The following IGF2BP3 variants were observed in gnomAD, a reference collection of about 807,000 sequenced individuals.
IGF2BP3 encodes the protein insulin like growth factor 2 mRNA binding protein 3, also known as insulin-like growth factor 2 mRNA-binding protein 3.
IGF2BP3 carries 9 observed loss-of-function variants against 73.8 expected under a neutral mutation model. That is an observed-to-expected ratio of 0.12 (90% CI 0.07 to 0.21). The LOEUF (loss-of-function observed/expected upper bound fraction) is 0.21. IGF2BP3 is among the 10% of genes least tolerant of loss of function. IGF2BP3 has a pLI of 1.00. For missense variants in IGF2BP3, 542 were observed against 714.0 expected (o/e 0.76, Z 2.75); for synonymous variants, 258 against 256.7 (o/e 1.01, Z -0.05).
At chr7:23,406,971 A>C (rs1425148618) in intron 3 of IGF2BP3, among the ~76,000 whole-genome samples, 1 of 152,174 alleles carries the variant, frequency 6.6e-6, no homozygotes, top group Admixed American at 6.5e-5. Flanking sequence ...GGAGACAGAG[A>C]AGCTCATTCA....
chr7:23,351,278 C>T, intron 6 of IGF2BP3, 27 bp downstream of exon 6: 1 of 1,609,416 alleles, frequency 6.2e-7, no homozygotes, highest in South Asian at 1.1e-5. Context: ...TTCTCATGAA[C>T]ACCCACCACA....
chr7:23,425,161 G>A (rs546545099), intron 2 of IGF2BP3, among the ~76,000 whole-genome samples: 4 of 152,166 alleles, frequency 2.6e-5, no homozygotes, highest in Admixed American at 6.5e-5. Flanking sequence ...AGGTTTGTTC[G>A]TATCAAGATG....
chr7:23,328,876 C>T (rs1342741157), intron 10 of IGF2BP3, among the ~76,000 whole-genome samples: 1 of 152,108 alleles, frequency 6.6e-6, no homozygotes, highest in Admixed American at 6.6e-5. Flanking sequence ...CCAGAAAGGT[C>T]AGGCAGACAT....
Position 23,423,728 on chromosome 7 carries a change from A to G in IGF2BP3, c.237-4904T>C, listed in dbSNP as rs541950734. ...ATTTCAAATGATTTCCTTATAGCTT[A>G]TAAAGGGACCGAGAAAAACAACTGC... is the stretch of plus-strand genomic sequence containing the variant. On this transcript the variant is annotated intron_variant, in intron 2 of 14. Coordinates refer to ENST00000258729, the MANE Select transcript of IGF2BP3 (RefSeq NM_006547.3). 7.9e-5 allele frequency among the ~76,000 whole-genome samples: 12 copies of G among 152,290 alleles called. No individual in the cohort carries two copies. In the South Asian group the frequency reaches 2.5e-3, roughly 32 times the overall value.
chr7:23,398,875 T>C (rs1362513661), intron 3 of IGF2BP3, among the ~76,000 whole-genome samples: 3 of 152,210 alleles, frequency 2.0e-5, no homozygotes, highest in Non-Finnish European at 4.4e-5. Flanking sequence ...TTCACTCTGA[T>C]GGTAGTTTCT....
chr7:23,408,141 T>C lies in IGF2BP3; in HGVS notation c.285+10635A>G, dbSNP rs373864108. Among the ~76,000 whole-genome samples the C allele has an allele frequency of 1.6e-4, 24 of 152,226 alleles. 1 individual carries two copies. Among genetic ancestry groups the C allele is most frequent in the Admixed American group, 9.8e-4 (15 of 15,290 alleles). On this transcript the variant is annotated intron_variant, in intron 3 of 14. Transcript: ENST00000258729. ...AGAGTATCTACAAAAAACCCACAGC[T>C]AACATTTTATGTGATGATGAAAGAC...
intron 3 of IGF2BP3, among the ~76,000 whole-genome samples, chr7:23,365,325 C>A (rs541184659): frequency 6.6e-5 from 10 of 152,240 alleles, no homozygotes; most frequent in African/African-American, 2.2e-4. Context: ...TTCTGAAAAG[C>A]AATTTGTTCA....
At chr7:23,363,527 G>A (rs932998086) in intron 3 of IGF2BP3, among the ~76,000 whole-genome samples, 2 of 152,296 alleles carry the variant, frequency 1.3e-5, no homozygotes, top group Admixed American at 6.5e-5. Flanking sequence ...GATTACAGGC[G>A]TGACCCAGCA....
At chr7:23,353,308 T>C (rs540660763) in intron 5 of IGF2BP3, among the ~76,000 whole-genome samples, 2 of 152,266 alleles carry the variant, frequency 1.3e-5, no homozygotes, top group South Asian at 2.1e-4. Flanking sequence ...ACAGTTCTAG[T>C]ACCAAAAAGG....
At position 23,452,284 on chromosome 7, in the gene IGF2BP3, G is replaced by A. The variant is rs533311177; in HGVS notation, c.236+16198C>T. ...CTCCTCAAGTGCTGGAATTACAGGC[G>A]TGAGCCACCGCACCTGGCCAGAATA... On this transcript the variant is annotated intron_variant, in intron 2 of 14. Transcript: ENST00000258729. Among the ~76,000 whole-genome samples, 143 of 152,140 alleles carry A rather than the reference G, an allele frequency of 9.4e-4. 2 individuals are homozygous for A. Among genetic ancestry groups the A allele is most frequent in the Middle Eastern group, 3.4e-3 (1 of 294 alleles).
intron 2 of IGF2BP3, among the ~76,000 whole-genome samples, chr7:23,446,189 C>G (rs940758544): frequency 5.9e-5 from 9 of 152,188 alleles, no homozygotes; most frequent in African/African-American, 1.7e-4. Flanking sequence ...ATGTTATAAT[C>G]TATGCAATAA....
At chr7:23,424,671 A>G (rs1022323616) in intron 2 of IGF2BP3, among the ~76,000 whole-genome samples, 8 of 152,190 alleles carry the variant, frequency 5.3e-5, no homozygotes, top group Middle Eastern at 3.4e-3. Flanking sequence ...AACTGCCTGA[A>G]ACCAGGAGTT....
At chr7:23,344,783 C>G (rs752069181) in intron 8 of IGF2BP3, among the ~76,000 whole-genome samples, 1 of 152,196 alleles carries the variant, frequency 6.6e-6, no homozygotes, top group Non-Finnish European at 1.5e-5. Flanking sequence ...TATTCCTTAA[C>G]ATTTTCCTCA....
At chr7:23,406,249 C>T (rs1047304386) in intron 3 of IGF2BP3, among the ~76,000 whole-genome samples, 1 of 152,102 alleles carries the variant, frequency 6.6e-6, no homozygotes, top group African/African-American at 2.4e-5. Flanking sequence ...GACATGTATA[C>T]AGTTACAGGA....
chr7:23,426,201 C>T (rs949511339), intron 2 of IGF2BP3, among the ~76,000 whole-genome samples: 3 of 151,676 alleles, frequency 2.0e-5, no homozygotes, highest in African/African-American at 4.9e-5. Context: ...GTGGCACAGG[C>T]CTGTAATCCC....
rs1274737579 is a variant in IGF2BP3, at chr7:23,310,603, A to T, written c.*1759T>A. On this transcript the variant is annotated 3_prime_UTR_variant, in exon 15 of 15. Coordinates refer to ENST00000258729, the MANE Select transcript of IGF2BP3 (RefSeq NM_006547.3). ...CAATTTTAATTCATTGTATGAAAAA[A>T]AAATCATGAATGCTAGGAGAATCCA... 4 of 152,252 alleles carry T rather than the reference A, an allele frequency of 2.6e-5. No homozygotes were observed. The highest frequency in any genetic ancestry group is 5.9e-5 in the Non-Finnish European group (4 of 68,046). The allele number at this position is 152,252 out of a possible 1,614,324, so 9.4% of individuals were successfully genotyped here. A position where few individuals can be genotyped will look rare whatever the true frequency, so the allele number is the denominator to read the frequency against.
intron 7 of IGF2BP3, 51 bp from the exon 8 acceptor site, chr7:23,346,113 G>A (rs1490555866): frequency 6.4e-7 from 1 of 1,566,038 alleles, no homozygotes. Flanking sequence ...CCTATTCGTG[G>A]GTAAAAAGAC....
At chr7:23,343,946 T>C in intron 8 of IGF2BP3, 93 bp from the exon 9 acceptor site, 1 of 1,267,770 alleles carries the variant, frequency 7.9e-7, no homozygotes, top group Non-Finnish European at 1.1e-6. Flanking sequence ...AAACAAACTG[T>C]GGAGCCTGGT....
chr7:23,340,774 G>C (rs756489577), intron 10 of IGF2BP3, among the ~76,000 whole-genome samples: 4 of 151,824 alleles, frequency 2.6e-5, no homozygotes, highest in Admixed American at 6.6e-5. Flanking sequence ...ACCATCACTA[G>C]TCTCCTATTT....
Sources: gnomAD v4.1 joint callset for allele counts (sites outside exome capture counted in the v4.1 genomes callset) on GRCh38, gnomAD v4.1.1 for gene constraint, MANE v1.5 for transcripts, NCBI Gene and HGNC (gene_info 2026-07-23, HGNC 2026-07-21) for gene names.